The following IQCM variants were observed in gnomAD, a reference collection of about 807,000 sequenced individuals.
IQCM encodes the protein IQ domain-containing protein M.
IQCM carries 45 observed loss-of-function variants against 57.6 expected under a neutral mutation model. The observed-to-expected ratio is 0.78, with a 90% CI of 0.62 to 1.00. The LOEUF (loss-of-function observed/expected upper bound fraction) is 1.00, where lower values mean the gene tolerates loss of function less well. Ranked by LOEUF, IQCM falls within the 50% of genes least tolerant of loss-of-function variation. The pLI, the probability that IQCM is intolerant of heterozygous loss-of-function variation, is 0.00. For missense variants in IQCM, 468 were observed against 511.6 expected, an observed-to-expected ratio of 0.91 and a Z score of 0.82; for synonymous variants, 148 against 158.9, an observed-to-expected ratio of 0.93 and a Z score of 0.51.
intron 7 of IQCM, among the ~76,000 whole-genome samples, chr4:149,647,554 G>C (rs891455711): frequency 2.0e-5 from 3 of 151,836 alleles, no homozygotes; most frequent in African/African-American, 7.2e-5. Context: ...TGAGAAATCA[G>C]TTATTTTACT....
At position 149,644,110 on chromosome 4, in the gene IQCM, AT is replaced by A. The variant is rs575901785; in HGVS notation, c.566-22867del. ...CCAGTTGGTCACCCTAAAATTTCCTATTCCCAAAGCGTCTAGCAAAATAGAT... is the reference window on the plus strand; with the variant it reads ...CCAGTTGGTCACCCTAAAATTTCCTATCCCAAAGCGTCTAGCAAAATAGAT... On this transcript the variant is annotated intron_variant, in intron 7 of 13. Coordinates refer to ENST00000636793, the MANE Select transcript of IQCM (RefSeq NM_001363507.2). 5.3e-5 allele frequency among the ~76,000 whole-genome samples: 8 copies of A among 152,296 alleles called. No individual in the cohort carries two copies. In the East Asian group the frequency reaches 1.5e-3, roughly 29 times the overall value.
chr4:149,703,520 T>C (rs1415502964), intron 5 of IQCM, among the ~76,000 whole-genome samples: 3 of 151,954 alleles, frequency 2.0e-5, no homozygotes. Flanking sequence ...TCTTGAACTA[T>C]GGTCTCTATA....
At chr4:149,557,289 C>T (rs1166694909) in intron 10 of IQCM, among the ~76,000 whole-genome samples, 2 of 152,082 alleles carry the variant, frequency 1.3e-5, no homozygotes, top group East Asian at 1.9e-4. Context: ...AGAATGGCCT[C>T]GTTTTATAGT....
chr4:149,481,414 T>C (rs1174305070), intron 12 of IQCM, among the ~76,000 whole-genome samples: 1 of 152,124 alleles, frequency 6.6e-6, no homozygotes, highest in Non-Finnish European at 1.5e-5. Context: ...CTTTAATCTA[T>C]CTAGATTTTA....
At chr4:149,388,962 G>A (rs976837031) in intron 13 of IQCM, among the ~76,000 whole-genome samples, 1 of 151,198 alleles carries the variant, frequency 6.6e-6, no homozygotes, top group Admixed American at 6.6e-5. Context: ...TGGGTGCCCT[G>A]TGAAGCATGA....
rs562346310 is a variant in IQCM at position 149,545,866 on chromosome 4, C to T, written c.1228+2589G>A. Among the ~76,000 whole-genome samples, 487 of 151,870 alleles carry T rather than the reference C, an allele frequency of 3.2e-3. 3 individuals carry two copies. Among genetic ancestry groups the T allele is most frequent in the Non-Finnish European group, 5.4e-3 (369 of 67,930 alleles). ...TAAGTTCTAGGGTACATGTGCACAA[C>T]GTGAAGGTTTGTCACATATGTATAC... On this transcript the variant is annotated intron_variant, in intron 12 of 13. Coordinates refer to ENST00000636793, the MANE Select transcript of IQCM (RefSeq NM_001363507.2).
At chr4:149,662,796 T>C (rs1303455228) in intron 7 of IQCM, among the ~76,000 whole-genome samples, 1 of 152,048 alleles carries the variant, frequency 6.6e-6, no homozygotes, top group African/African-American at 2.4e-5. Flanking sequence ...TGTTTGTCTT[T>C]AAAAGCAAAG....
chr4:149,567,636 G>A (rs1199491196), intron 9 of IQCM, among the ~76,000 whole-genome samples: 2 of 151,772 alleles, frequency 1.3e-5, no homozygotes, highest in East Asian at 2.0e-4. Flanking sequence ...CATGAGCCAC[G>A]GTGCAGGGCC....
chr4:149,506,611 C>T (rs369694072), intron 12 of IQCM, among the ~76,000 whole-genome samples: 11 of 152,098 alleles, frequency 7.2e-5, no homozygotes, highest in East Asian at 1.9e-4. Context: ...CTAGACTAAA[C>T]GTGTATCACT....
intron 12 of IQCM, among the ~76,000 whole-genome samples, chr4:149,454,180 A>C (rs1272669417): frequency 6.7e-6 from 1 of 150,314 alleles, no homozygotes; most frequent in Non-Finnish European, 1.5e-5. Flanking sequence ...ACACACACAC[A>C]CACACACACA....
intron 13 of IQCM, among the ~76,000 whole-genome samples, chr4:149,358,385 C>A (rs564417978): frequency 3.0e-4 from 46 of 152,092 alleles, no homozygotes; most frequent in African/African-American, 1.1e-3. Context: ...GGGCATTTAG[C>A]GCTATAAATT....
chr4:149,613,241 G>A (rs1033061959), intron 8 of IQCM, among the ~76,000 whole-genome samples: 1 of 151,840 alleles, frequency 6.6e-6, no homozygotes, highest in African/African-American at 2.4e-5. Flanking sequence ...AAGAAAATAT[G>A]ATGAGGGAGA....
intron 13 of IQCM, among the ~76,000 whole-genome samples, chr4:149,428,042 C>T (rs1396380111): frequency 2.6e-5 from 4 of 151,802 alleles, no homozygotes; most frequent in South Asian, 2.1e-4. Context: ...TTTGTATACT[C>T]GAGCAGATAT....
intron 7 of IQCM, among the ~76,000 whole-genome samples, chr4:149,632,785 G>C (rs992206559): frequency 6.6e-6 from 1 of 152,212 alleles, no homozygotes; most frequent in Non-Finnish European, 1.5e-5. Context: ...TCGTACGCAT[G>C]TGGAGAATTA....
intron 7 of IQCM, among the ~76,000 whole-genome samples, chr4:149,635,384 A>G (rs946411886): frequency 7.2e-5 from 11 of 152,174 alleles, no homozygotes; most frequent in Admixed American, 1.3e-4. Flanking sequence ...CACTAGGTCA[A>G]CATCTTTACT....
intron 12 of IQCM, among the ~76,000 whole-genome samples, chr4:149,441,777 G>T (rs1353536457): frequency 6.6e-6 from 1 of 152,134 alleles, no homozygotes; most frequent in Non-Finnish European, 1.5e-5. Flanking sequence ...CCATTCCTAT[G>T]ATTTGAATGT....
At chr4:149,508,690 T>C (rs1048119282) in intron 12 of IQCM, among the ~76,000 whole-genome samples, 1 of 152,212 alleles carries the variant, frequency 6.6e-6, no homozygotes, top group African/African-American at 2.4e-5. Context: ...CTTTGGACTA[T>C]GGACTTTTGA....
At chr4:149,501,247 T>C (rs1195189401) in intron 12 of IQCM, among the ~76,000 whole-genome samples, 3 of 152,210 alleles carry the variant, frequency 2.0e-5, no homozygotes, top group African/African-American at 7.2e-5. Context: ...CCTGAATGAT[T>C]GAACTAATCA....
chr4:149,396,154 C>T (rs2111107839), intron 13 of IQCM, among the ~76,000 whole-genome samples: 1 of 151,710 alleles, frequency 6.6e-6, no homozygotes, highest in East Asian at 1.9e-4. Flanking sequence ...AAAAATACTA[C>T]AAAAAATACC....
Sources: gnomAD v4.1 joint callset for allele counts (sites outside exome capture counted in the v4.1 genomes callset) on GRCh38, gnomAD v4.1.1 for gene constraint, MANE v1.5 for transcripts, NCBI Gene and HGNC (gene_info 2026-07-23, HGNC 2026-07-21) for gene names.